Variants in PARP6 observed in about 807,000 individuals in gnomAD.
PARP6 encodes protein mono-ADP-ribosyltransferase PARP6.
PARP6 carries 27 observed loss-of-function variants against 92.0 expected under a neutral mutation model. The observed-to-expected ratio is 0.29, with a 90% CI of 0.22 to 0.40. PARP6 has a LOEUF of 0.40. Among genes scored for constraint, PARP6 ranks in the 10% least tolerant of loss-of-function variants. The probability of loss-of-function intolerance (pLI) is 1.00; values close to 1 mark genes in which losing one functional copy is unlikely to be tolerated. For missense variants in PARP6, 501 were observed against 784.5 expected (o/e 0.64, Z 4.32); for synonymous variants, 272 against 281.2 (o/e 0.97, Z 0.33).
rs149676371 is a variant in PARP6, at chr15:72,265,320, A to G, written c.237+93T>C. 2.3e-3 allele frequency: 2,674 copies of G among 1,184,764 alleles called. 11 individuals are homozygous for G. The highest frequency in any genetic ancestry group is 7.2e-3 in the Middle Eastern group (37 of 5,170). 73.4% of individuals were successfully genotyped at this position (1,184,764 alleles called of 1,614,324 possible). A position where few individuals can be genotyped will look rare whatever the true frequency, so the allele number is the denominator to read the frequency against. ...GACAGAGATGAAGAATATGTGCTCC[A>G]AATACAGCACTCGGGAACAAGACTC... is the stretch of plus-strand genomic sequence containing the variant. On this transcript the variant is annotated intron_variant, in intron 6 of 23. Coordinates refer to ENST00000569795, the MANE Select transcript of PARP6 (RefSeq NM_001323532.2).
intron 20 of PARP6, among the ~76,000 whole-genome samples, chr15:72,248,732 T>A (rs1329969615): frequency 6.6e-6 from 1 of 152,224 alleles, no homozygotes; most frequent in Non-Finnish European, 1.5e-5. Flanking sequence ...CTGGACCTCA[T>A]CTTTAGAATA....
At chr15:72,259,518 GTATT>G (rs1373564351) in intron 11 of PARP6, 86 bp downstream of exon 11, 16 of 995,518 alleles carry the variant, frequency 1.6e-5, no homozygotes, top group Non-Finnish European at 2.2e-5. Context: ...AATTCAGAAA[GTATT>G]TGATTGAGGA....
intron 20 of PARP6, 79 bp downstream of exon 20, chr15:72,249,166 G>C: frequency 1.3e-6 from 1 of 757,262 alleles, no homozygotes. Context: ...TAATGAGGGA[G>C]GAACAGACAG....
chr15:72,257,810 C>T (rs2085328144), intron 12 of PARP6, among the ~76,000 whole-genome samples: 1 of 152,210 alleles, frequency 6.6e-6, no homozygotes, highest in African/African-American at 2.4e-5. Flanking sequence ...ATCTGATCCC[C>T]ATTTTTAAAT....
chr15:72,272,142 G>A (rs969290287), intron 1 of PARP6: 3 of 152,338 alleles, frequency 2.0e-5, no homozygotes, highest in Non-Finnish European at 2.9e-5. Flanking sequence ...ACCCCGCAGG[G>A]AGAGAGGACA....
intron 4 of PARP6, 86 bp from the exon 5 acceptor site, chr15:72,266,077 C>T: frequency 3.2e-6 from 3 of 929,676 alleles, no homozygotes; most frequent in East Asian, 2.5e-5. Flanking sequence ...TGAAAAGACA[C>T]CAGGAACAGG....
rs781022906 is a variant in PARP6 at position 72,260,621 on chromosome 15, C to A, written c.613G>T (p.Val205Phe). The A allele has an allele frequency of 6.2e-7, 1 of 1,614,166 alleles. No individual in the cohort carries two copies. Among genetic ancestry groups the A allele is most frequent in the East Asian group, 2.2e-5 (1 of 44,876 alleles). Residue 205 changes from valine to phenylalanine, a missense_variant, in exon 10 of 24, where the codon GTT becomes TTT. Physicochemically the swap from Val to Phe is conservative, Grantham distance 50. Transcript: ENST00000569795. ...KGKLGVPELR[V>F]GRLMNRSISC... ...ATGGAACGGTTCATGAGGCGCCCAACCCGAAGCTCTGGTACACCTAGTTTG... is the reference window on the plus strand; with the variant it reads ...ATGGAACGGTTCATGAGGCGCCCAAACCGAAGCTCTGGTACACCTAGTTTG...
chr15:72,269,163 CTTCT>C, intron 2 of PARP6, among the ~76,000 whole-genome samples: 1 of 152,050 alleles, frequency 6.6e-6, no homozygotes, highest in South Asian at 2.1e-4. Context: ...TCTTCTTCTT[CTTCT>C]TTTTTTGTTT....
At chr15:72,248,348 C>CT (rs879617655) in intron 20 of PARP6, among the ~76,000 whole-genome samples, 115 of 144,570 alleles carry the variant, frequency 8.0e-4, no homozygotes, top group African/African-American at 1.7e-3. Context: ...TTTCTTTTTT[C>CT]TTTTTTTTTT....
chr15:72,250,228 A>T (rs911630433), intron 18 of PARP6, 136 bp from the exon 19 acceptor site: 8 of 663,624 alleles, frequency 1.2e-5, no homozygotes, highest in Non-Finnish European at 2.3e-5. Context: ...GGACATGCAC[A>T]TGGATACAGT....
Position 72,241,636 on chromosome 15 carries a change from A to G in PARP6, c.1791-79T>C. The G allele has an allele frequency of 1.8e-6, 2 of 1,107,556 alleles. No individual in the cohort carries two copies. The highest frequency in any genetic ancestry group is 2.7e-6 in the Non-Finnish European group (2 of 728,210). The allele number at this position is 1,107,556 out of a possible 1,614,324, so 68.6% of individuals were successfully genotyped here. A position where few individuals can be genotyped will look rare whatever the true frequency, so the allele number is the denominator to read the frequency against. ...CATCAATCAGTGGAACTGTATTTCAAGGTATGGCCATCCCATCCCAGAAGT... is the reference window on the plus strand; with the variant it reads ...CATCAATCAGTGGAACTGTATTTCAGGGTATGGCCATCCCATCCCAGAAGT... On this transcript the variant is annotated intron_variant, in intron 23 of 23. Transcript: ENST00000569795. This position sits in a 1 kb window ranked among gnomAD's most constrained non-coding sequence, Gnocchi z 4.1.
intron 16 of PARP6, among the ~76,000 whole-genome samples, chr15:72,252,340 G>GT (rs1157146183): frequency 6.6e-6 from 1 of 152,166 alleles, no homozygotes; most frequent in African/African-American, 2.4e-5. Flanking sequence ...GTAACAATGT[G>GT]TAATATTCTT....
rs191251562 is a variant in PARP6 at position 72,257,483 on chromosome 15, C to T, written c.907-43G>A. ...ACAGATGGTGGTGGGATGGGGTGTGCAATAAGGTGTAGGCAGAGAGGGACA... is the reference window on the plus strand; with the variant it reads ...ACAGATGGTGGTGGGATGGGGTGTGTAATAAGGTGTAGGCAGAGAGGGACA... On this transcript the variant is annotated intron_variant, in intron 12 of 23. Transcript: ENST00000569795. The T allele has an allele frequency of 3.3e-4, 497 of 1,503,776 alleles. 1 individual carries two copies. The African/African-American group carries it at 6.0e-3, about 18-fold the overall frequency. The allele number at this position is 1,503,776 out of a possible 1,614,324, so 93.2% of individuals were successfully genotyped here.
intron 18 of PARP6, chr15:72,250,350 A>C: frequency 2.4e-6 from 1 of 424,258 alleles, no homozygotes; most frequent in East Asian, 4.1e-5. Context: ...CTGCTGGTTC[A>C]GTATTTTTAT....
chr15:72,263,483 C>G (rs1408382043), intron 8 of PARP6, among the ~76,000 whole-genome samples: 2 of 152,154 alleles, frequency 1.3e-5, no homozygotes, highest in Non-Finnish European at 1.5e-5. Context: ...CTGACCACGT[C>G]ATTTCTTTCC....
At chr15:72,243,390 T>C (rs2083275177) in intron 20 of PARP6, 1 of 152,144 alleles carries the variant, frequency 6.6e-6, no homozygotes, top group Admixed American at 6.5e-5. Flanking sequence ...CAAAGTTACA[T>C]TAAAAACCTG....
rs1157972335 is a variant in PARP6, at chr15:72,242,107, G to A, written c.1705+50C>T. The A allele has an allele frequency of 6.4e-7, 1 of 1,562,046 alleles. No homozygotes were observed. The highest frequency in any genetic ancestry group is 2.2e-5 in the East Asian group (1 of 44,652). On this transcript the variant is annotated intron_variant, in intron 22 of 23. Coordinates refer to ENST00000569795, the MANE Select transcript of PARP6 (RefSeq NM_001323532.2). The surrounding 1 kb of genome is among the most constrained non-coding windows in gnomAD (Gnocchi z 4.3). ...CAGATCATGTGCCAAAATTACATCAGAAACAAAGGTTAGAGACCCAGAAAA... is the reference window on the plus strand; with the variant it reads ...CAGATCATGTGCCAAAATTACATCAAAAACAAAGGTTAGAGACCCAGAAAA...
At chr15:72,269,191 C>T (rs377557363) in intron 2 of PARP6, among the ~76,000 whole-genome samples, 5 of 152,220 alleles carry the variant, frequency 3.3e-5, no homozygotes, top group East Asian at 1.9e-4. Context: ...GACAGAGTTT[C>T]GCTGTGTCGC....
chr15:72,256,653 G>C (rs2085177038), intron 13 of PARP6, 63 bp from the exon 14 acceptor site: 7 of 1,318,370 alleles, frequency 5.3e-6, no homozygotes, highest in Non-Finnish European at 7.0e-6. Flanking sequence ...GGGAGTCAGA[G>C]TACCCAGTAT....
Sources: allele counts gnomAD v4.1 joint callset (sites outside exome capture counted in the v4.1 genomes callset), GRCh38; gene constraint gnomAD v4.1.1; non-coding constraint Gnocchi (gnomAD v3.1); transcripts MANE v1.5; gene names NCBI Gene and HGNC (gene_info 2026-07-23, HGNC 2026-07-21).